ALAS2: variants seen among roughly 807,000 people sequenced by gnomAD.
ALAS2 encodes the protein 5'-aminolevulinate synthase 2.
In ALAS2, 3 loss-of-function variants were observed where a neutral mutation model predicts 33.7. The ratio of observed to expected loss-of-function variants is 0.09; its 90% confidence interval spans 0.04 to 0.23. The LOEUF is 0.23. Ranked by LOEUF, ALAS2 falls within the 10% of genes least tolerant of loss-of-function variation. The pLI is 1.00. For missense variants in ALAS2, 304 were observed against 475.1 expected, an observed-to-expected ratio of 0.64 and a Z score of 3.35; for synonymous variants, 191 against 177.3, an observed-to-expected ratio of 1.08 and a Z score of -0.61.
At chrX:55,021,453 T>TTTGC (rs1278342849) in intron 4 of ALAS2, among the ~76,000 whole-genome samples, 179 bp from the exon 5 acceptor site, 10 of 112,442 alleles carry the variant, frequency 8.9e-5, no homozygotes, top group Non-Finnish European at 1.7e-4. Flanking sequence ...CAGCCATCCT[T>TTTGC]TTGCTTACTC....
At chrX:55,009,456 C>T (rs1935564415) in intron 10 of ALAS2, 113 bp from the exon 11 acceptor site, 1 of 789,968 alleles carries the variant, frequency 1.3e-6, no homozygotes, top group Admixed American at 3.4e-5. Flanking sequence ...CAAGATACCT[C>T]AGGGCCAGAA....
rs186359212 is a variant in ALAS2 at position 55,023,242 on chromosome X, C to G, written c.415+515G>C. On this transcript the variant is annotated intron_variant, in intron 4 of 10. Coordinates refer to ENST00000650242, the MANE Select transcript of ALAS2 (RefSeq NM_000032.5). ...TGTGTGTGTAGCCATAGAAAAATAT[C>G]TGGGAGAAAATATAACAAAAACTTA... Among the ~76,000 whole-genome samples, 46 of 107,392 alleles carry G rather than the reference C, an allele frequency of 4.3e-4. No homozygotes were observed. In the East Asian group the frequency reaches 0.013, roughly 31 times the overall value. The allele number at this position is 107,392 out of a possible 115,157, so 93.3% of individuals were successfully genotyped here.
chrX:55,027,368 A>G (rs1935909253), intron 1 of ALAS2, among the ~76,000 whole-genome samples: 1 of 110,467 alleles, frequency 9.1e-6, no homozygotes, highest in Non-Finnish European at 1.9e-5. Context: ...AAGAGAGTAG[A>G]GAAAATGACA....
intron 9 of ALAS2, 124 bp from the exon 10 acceptor site, chrX:55,013,772 T>C (rs1184383329): frequency 7.4e-6 from 6 of 808,143 alleles, no homozygotes; most frequent in South Asian, 2.2e-5. Flanking sequence ...ATTTTTTTTT[T>C]CCATTAGGGG....
intron 9 of ALAS2, among the ~76,000 whole-genome samples, chrX:55,014,387 C>T (rs1372945992): frequency 9.0e-6 from 1 of 111,702 alleles, no homozygotes; most frequent in Non-Finnish European, 1.9e-5. Context: ...ATGTGATGTA[C>T]TCCAACATTT....
In ALAS2 at chrX:55,020,375, G is replaced by A; in HGVS notation, c.768C>T (p.Ser256=). ...TAGAGTCATTGGCAACAAAGCAGGAGGAGAAGAGCAGGGCTGAGTCCTTCT... is the reference window on the plus strand; with the variant it reads ...TAGAGTCATTGGCAACAAAGCAGGAAGAGAAGAGCAGGGCTGAGTCCTTCT... ...LHQKDSALLF[S]SCFVANDSTL... is the part of the protein sequence containing the mutation. The change falls in exon 6 of 11, where the codon TCC becomes TCT. Residue 256 remains serine (S), a synonymous_variant. Transcript: ENST00000650242. The A allele has an allele frequency of 1.7e-6, 2 of 1,209,041 alleles. No homozygotes were observed. The highest frequency in any genetic ancestry group is 1.7e-5 in the African/African-American group (1 of 57,740).
At chrX:55,014,491 T>C (rs1449679498) in intron 9 of ALAS2, among the ~76,000 whole-genome samples, 1 of 112,174 alleles carries the variant, frequency 8.9e-6, no homozygotes, top group East Asian at 2.8e-4. Context: ...AAACTCTGAA[T>C]TATAGGCTGT....
intron 2 of ALAS2, 97 bp from the exon 3 acceptor site, chrX:55,024,937 C>A: frequency 2.8e-6 from 3 of 1,088,358 alleles, no homozygotes; most frequent in Non-Finnish European, 3.8e-6. Flanking sequence ...AAAGCCCTAT[C>A]TCAGGCTATT....
chrX:55,027,953 AATAAATGTT>A, intron 1 of ALAS2: 1 of 498,216 alleles, frequency 2.0e-6, no homozygotes, highest in Admixed American at 3.0e-5. Flanking sequence ...GTAAATCTTC[AATAAATGTT>A]AGCTTTTCTT....
intron 1 of ALAS2, among the ~76,000 whole-genome samples, chrX:55,026,222 A>G (rs1472438808): frequency 5.4e-5 from 6 of 111,693 alleles, no homozygotes; most frequent in Non-Finnish European, 1.1e-4. Flanking sequence ...CTACTGGGCA[A>G]AGGGGTGAAG....
At position 55,020,429 on chromosome X, in the gene ALAS2, C is replaced by A; in HGVS notation, c.714G>T (p.Glu238Asp). Reference sequence around the variant, plus strand: ...GCAGCTCAGCCAGCTCCTGCTCAAGCTCCACATGAAACTTACTGGTGCCTG... The same window carrying A: ...GCAGCTCAGCCAGCTCCTGCTCAAGATCCACATGAAACTTACTGGTGCCTG... ...NISGTSKFHV[E>D]LEQELAELHQ... The change falls in exon 6 of 11, where the codon GAG (glutamate) becomes GAT (aspartate). Residue 238 changes from glutamate to aspartate, a missense_variant. Glu to Asp is a conservative substitution (Grantham distance 45, BLOSUM62 2). Transcript: ENST00000650242. 8.4e-7 allele frequency: 1 copy of A among 1,195,453 alleles called. No homozygotes were observed. Among genetic ancestry groups the A allele is most frequent in the East Asian group, 3.0e-5 (1 of 33,216 alleles).
intron 10 of ALAS2, among the ~76,000 whole-genome samples, chrX:55,012,718 G>A (rs191250849): frequency 8.1e-4 from 91 of 112,197 alleles, no homozygotes; most frequent in African/African-American, 2.8e-3. Flanking sequence ...GCCAGGACCC[G>A]GGAGGCAGAG....
At chrX:55,014,618 C>A in intron 9 of ALAS2, 129 bp downstream of exon 9, 1 of 866,910 alleles carries the variant, frequency 1.2e-6, no homozygotes, top group Non-Finnish European at 1.5e-6. Flanking sequence ...GGAAACAAAG[C>A]TGGCAATAAA....
In ALAS2 at chrX:55,016,443, A is replaced by C. The variant is rs182176914; in HGVS notation, c.1004-701T>G. On this transcript the variant is annotated intron_variant, in intron 7 of 10. Coordinates refer to ENST00000650242, the MANE Select transcript of ALAS2 (RefSeq NM_000032.5). ...ATCACTTACATTTTTCAAATAAGCA[A>C]CTGAGAACTGAGACACAGAGCAATT... Among the ~76,000 whole-genome samples the C allele has an allele frequency of 2.8e-3, 309 of 111,934 alleles. 1 individual carries two copies. Among genetic ancestry groups the C allele is most frequent in the Non-Finnish European group, 4.5e-3 (239 of 53,241 alleles).
At chrX:55,015,462 T>A in intron 8 of ALAS2, 116 bp downstream of exon 8, 1 of 866,057 alleles carries the variant, frequency 1.2e-6, no homozygotes, top group South Asian at 2.2e-5. Flanking sequence ...GGCAGCAGCC[T>A]GGGGCTGTGA....
intron 7 of ALAS2, 94 bp downstream of exon 7, chrX:55,017,392 A>G: frequency 2.6e-5 from 21 of 821,514 alleles, no homozygotes; most frequent in Non-Finnish European, 3.7e-5. Context: ...TATAAATATT[A>G]GCTGTTATAA....
intron 10 of ALAS2, among the ~76,000 whole-genome samples, chrX:55,010,978 C>A (rs1301187101): frequency 9.0e-6 from 1 of 110,992 alleles, no homozygotes; most frequent in Non-Finnish European, 1.9e-5. Context: ...GGAAAGTAAG[C>A]CAGAGGAAAG....
rs1475240698 is a variant in ALAS2 at position 55,024,968 on chromosome X, G to A, written c.182-128C>T. 4 of 908,102 alleles carry A rather than the reference G, an allele frequency of 4.4e-6. No individual in the cohort carries two copies. The East Asian group carries it at 1.3e-4, about 29-fold the overall frequency. 74.8% of individuals were successfully genotyped at this position (908,102 alleles called of 1,213,427 possible). A position where few individuals can be genotyped will look rare whatever the true frequency, so the allele number is the denominator to read the frequency against. On this transcript the variant is annotated intron_variant, in intron 2 of 10. Transcript: ENST00000650242. ...CTATTGTAGAGACACAGAGATAGATGAGTCTGGTCCCTGTGCTAGGGGAGC... is the reference window on the plus strand; with the variant it reads ...CTATTGTAGAGACACAGAGATAGATAAGTCTGGTCCCTGTGCTAGGGGAGC...
intron 1 of ALAS2, among the ~76,000 whole-genome samples, chrX:55,026,930 G>A (rs1462424096): frequency 9.0e-6 from 1 of 111,027 alleles, no homozygotes; most frequent in Non-Finnish European, 1.9e-5. Context: ...GATAAAAGGA[G>A]GAAAGTAGAG....
Sources: allele counts gnomAD v4.1 joint callset (sites outside exome capture counted in the v4.1 genomes callset), GRCh38; gene constraint gnomAD v4.1.1; transcripts MANE v1.5; gene names NCBI Gene and HGNC (gene_info 2026-07-23, HGNC 2026-07-21).